The following HDGFL3 variants were observed in gnomAD, a reference collection of about 807,000 sequenced individuals.
The protein encoded by HDGFL3 is HDGF like 3, also known as hepatoma-derived growth factor-related protein 3.
A neutral mutation model predicts 27.6 loss-of-function variants in HDGFL3; 6 were observed. That is an observed-to-expected ratio of 0.22 (90% CI 0.12 to 0.43). The LOEUF (loss-of-function observed/expected upper bound fraction) is 0.43. Among genes scored for constraint, HDGFL3 ranks in the 20% least tolerant of loss-of-function variants. The probability of loss-of-function intolerance (pLI) is 1.00; values close to 1 mark genes in which losing one functional copy is unlikely to be tolerated. For synonymous variants in HDGFL3, 88 were observed against 88.9 expected (o/e 0.99, Z 0.05); for missense variants, 207 against 250.1 (o/e 0.83, Z 1.16).
intron 1 of HDGFL3, among the ~76,000 whole-genome samples, chr15:83,169,567 C>T (rs372181099): frequency 1.9e-4 from 29 of 151,828 alleles, no homozygotes; most frequent in African/African-American, 5.3e-4. Context: ...TTTGGGAGGC[C>T]GAGGCGGGAG....
At chr15:83,118,278 AAG>A (rs955002232) in intron 3 of HDGFL3, among the ~76,000 whole-genome samples, 1 of 151,440 alleles carries the variant, frequency 6.6e-6, no homozygotes, top group Non-Finnish European at 1.5e-5. Flanking sequence ...CAGAGAGAGC[AAG>A]AGAGAGAGAG....
downstream of HDGFL3, chr15:83,127,696 GAA>G: frequency 2.3e-6 from 1 of 441,372 alleles, no homozygotes; most frequent in Non-Finnish European, 4.0e-6. Flanking sequence ...CACAGATGAG[GAA>G]GTTATCTGTG....
At chr15:83,150,946 T>C (rs1419022913) in intron 5 of HDGFL3, among the ~76,000 whole-genome samples, 3 of 152,234 alleles carry the variant, frequency 2.0e-5, no homozygotes, top group African/African-American at 7.2e-5. Context: ...TTTCACATTG[T>C]ACTTTAAAAA....
At chr15:83,144,828 T>A (rs2036857848) in intron 5 of HDGFL3, 1 of 311,222 alleles carries the variant, frequency 3.2e-6, no homozygotes, top group Admixed American at 4.5e-5. Context: ...CTTGAAAAGA[T>A]GAGATAATAA....
intron 1 of HDGFL3, among the ~76,000 whole-genome samples, chr15:83,187,362 ACTCT>A (rs1263166293): frequency 4.7e-5 from 7 of 148,276 alleles, no homozygotes; most frequent in Non-Finnish European, 8.8e-5. Flanking sequence ...GTGGAGAACT[ACTCT>A]CTGTGTGTGT....
In HDGFL3 at chr15:83,157,463, T is replaced by C; in HGVS notation, c.411A>G (p.Arg137=). The part of the protein sequence containing the change: ...DRVEEDGKGK[R]KNEKAGSKRK... ...GTTTTGAGCCTGCTTTTTCATTCTT[T>C]CTTTTGCCTTTTCCATCTTCTTCTA... Residue 137 remains arginine (R), a synonymous_variant, in exon 4 of 6, where the codon AGA becomes AGG. Coordinates refer to ENST00000299633, the MANE Select transcript of HDGFL3 (RefSeq NM_016073.4). The C allele has an allele frequency of 6.2e-7, 1 of 1,613,630 alleles. No individual in the cohort carries two copies.
intron 4 of HDGFL3, among the ~76,000 whole-genome samples, chr15:83,157,003 C>T (rs563116638): frequency 6.6e-6 from 1 of 152,142 alleles, no homozygotes; most frequent in Non-Finnish European, 1.5e-5. Flanking sequence ...AGCCATGATG[C>T]ATTTCTTAGA....
chr15:83,157,759 C>A, intron 3 of HDGFL3, 144 bp downstream of exon 3: 1 of 951,196 alleles, frequency 1.1e-6, no homozygotes, highest in South Asian at 1.5e-5. Context: ...TTAAGAATTA[C>A]ATTTAATCCA....
intron 5 of HDGFL3, among the ~76,000 whole-genome samples, chr15:83,150,754 C>G (rs966877261): frequency 5.9e-5 from 9 of 152,088 alleles, no homozygotes; most frequent in African/African-American, 9.7e-5. Context: ...CCTAGGGGTA[C>G]TTTAAATATC....
chr15:83,115,195 GCAAC>G, exon 4 of HDGFL3: 62 of 165,218 alleles, frequency 3.8e-4, no homozygotes, highest in South Asian at 1.6e-3. Flanking sequence ...TCGGCTCACT[GCAAC>G]CTCCGCCTCC....
intron 5 of HDGFL3, among the ~76,000 whole-genome samples, chr15:83,139,584 G>C (rs2036726291): frequency 1.3e-5 from 2 of 152,182 alleles, no homozygotes; most frequent in Admixed American, 1.3e-4. Context: ...TATGTTTATT[G>C]CTGGAATACA....
intron 2 of HDGFL3, among the ~76,000 whole-genome samples, chr15:83,160,030 T>G (rs1330707502): frequency 1.1e-4 from 16 of 152,200 alleles, no homozygotes; most frequent in Non-Finnish European, 1.0e-4. Flanking sequence ...ATTAGAAGGC[T>G]TCTGAAGTAA....
rs2036386860 is a variant in HDGFL3 at position 83,133,356 on chromosome 15, G to A, written c.*5914C>T. The A allele has an allele frequency of 1.3e-5, 2 of 152,144 alleles. No homozygotes were observed. The highest frequency in any genetic ancestry group is 4.1e-4 in the South Asian group (2 of 4,834). The allele number at this position is 152,144 out of a possible 1,614,324, so 9.4% of individuals were successfully genotyped here. A position where few individuals can be genotyped will look rare whatever the true frequency, so the allele number is the denominator to read the frequency against. Reference sequence around the variant, plus strand: ...AACACTCTTTCAGTTCCTCCTTGTGGAACCACGATTAACTTTTTTAGTTAT... The same window carrying A: ...AACACTCTTTCAGTTCCTCCTTGTGAAACCACGATTAACTTTTTTAGTTAT... On this transcript the variant is annotated 3_prime_UTR_variant, in exon 6 of 6. Transcript: ENST00000299633.
chr15:83,124,238 T>C (rs1217968915), downstream of HDGFL3, among the ~76,000 whole-genome samples: 1 of 152,212 alleles, frequency 6.6e-6, no homozygotes, highest in Non-Finnish European at 1.5e-5. Context: ...TAATTTTATA[T>C]ATAAAATTGT....
Position 83,198,054 on chromosome 15 carries a change from C to CAAAAAAAAAAAAAAAAAAAAAAAA in HDGFL3, c.84+9276_84+9277insTTTTTTTTTTTTTTTTTTTTTTTT, listed in dbSNP as rs766372255. Among the ~76,000 whole-genome samples, 7 of 57,596 alleles carry CAAAAAAAAAAAAAAAAAAAAAAAA rather than the reference C, an allele frequency of 1.2e-4. 1 individual carries two copies. The highest frequency in any genetic ancestry group is 3.8e-4 in the African/African-American group (4 of 10,456). 37.8% of individuals were successfully genotyped at this position (57,596 alleles called of 152,430 possible). On this transcript the variant is annotated intron_variant, in intron 1 of 5. Coordinates refer to ENST00000299633, the MANE Select transcript of HDGFL3 (RefSeq NM_016073.4). ...GGGGTGACAGAGAGAGACTCCGTCT[C>CAAAAAAAAAAAAAAAAAAAAAAAA]AAAAAAAAAAAAAAAAAAAAGAAGC...
rs569605393 is a variant in HDGFL3 at position 83,155,956 on chromosome 15, A to G, written c.459+1459T>C. Among the ~76,000 whole-genome samples the G allele has an allele frequency of 2.2e-3, 340 of 152,340 alleles. 3 individuals carry two copies. The highest frequency in any genetic ancestry group is 3.7e-3 in the Non-Finnish European group (253 of 68,034). On this transcript the variant is annotated intron_variant, in intron 4 of 5. Transcript: ENST00000299633. ...CTTTCCATTGTATTTCTGAATTACC[A>G]TATGAAAAAACCTAGACTTTCAATT...
At chr15:83,115,611 T>C (rs571978911) in exon 4 of HDGFL3, 1 of 658,140 alleles carries the variant, frequency 1.5e-6, no homozygotes, top group Admixed American at 2.1e-5. Flanking sequence ...TCTCCACTCC[T>C]GTGATGAGTG....
At chr15:83,124,375 A>C (rs1335056023), downstream of HDGFL3, among the ~76,000 whole-genome samples, 2 of 152,178 alleles carry the variant, frequency 1.3e-5, no homozygotes, top group African/African-American at 4.8e-5. Context: ...TGGCAGGTTT[A>C]TGGTTTACCT....
intron 2 of HDGFL3, among the ~76,000 whole-genome samples, chr15:83,158,507 C>G (rs1474036421): frequency 1.3e-5 from 2 of 152,184 alleles, no homozygotes; most frequent in African/African-American, 4.8e-5. Flanking sequence ...GTTTTGCCTT[C>G]TGTGGTTTTA....
Sources: allele counts gnomAD v4.1 joint callset (sites outside exome capture counted in the v4.1 genomes callset), GRCh38; gene constraint gnomAD v4.1.1; transcripts MANE v1.5; gene names NCBI Gene and HGNC (gene_info 2026-07-23, HGNC 2026-07-21).